LCA5L: variants seen among roughly 807,000 people sequenced by gnomAD.
The protein encoded by LCA5L is lebercilin LCA5 like.
In LCA5L, 35 loss-of-function variants were observed where a neutral mutation model predicts 45.4. The observed-to-expected ratio is 0.77, with a 90% confidence interval of 0.59 to 1.02. The LOEUF (loss-of-function observed/expected upper bound fraction) is 1.02. Ranked by LOEUF, LCA5L falls within the 50% of genes least tolerant of loss-of-function variation. The pLI is 0.00. For synonymous variants in LCA5L, 233 were observed against 264.7 expected (o/e 0.88, Z 1.16); for missense variants, 668 against 761.6 (o/e 0.88, Z 1.45).
chr21:39,416,492 AT>A (rs1408161371), intron 7 of LCA5L, among the ~76,000 whole-genome samples: 1 of 152,048 alleles, frequency 6.6e-6, no homozygotes, highest in Admixed American at 6.6e-5. Flanking sequence ...CAGACCTAGA[AT>A]TTTTTTAGGG....
intron 5 of LCA5L, among the ~76,000 whole-genome samples, chr21:39,424,616 A>C (rs369383816): frequency 6.6e-6 from 1 of 152,252 alleles, no homozygotes; most frequent in East Asian, 1.9e-4. Flanking sequence ...TAATTAGAGT[A>C]TAACATGAGA....
chr21:39,429,905 C>T (rs1175142270), intron 3 of LCA5L, among the ~76,000 whole-genome samples: 5 of 152,052 alleles, frequency 3.3e-5, no homozygotes, highest in Non-Finnish European at 5.9e-5. Flanking sequence ...GTAGTCCCAG[C>T]GACTTGGGAG....
rs759440839 is a variant in LCA5L, at chr21:39,409,957, G to T, written c.1282+22C>A. 10 of 1,266,938 alleles carry T rather than the reference G, an allele frequency of 7.9e-6. No individual in the cohort carries two copies. Among genetic ancestry groups the T allele is most frequent in the Non-Finnish European group, 1.1e-5 (10 of 875,924 alleles). The allele number at this position is 1,266,938 out of a possible 1,614,324, so 78.5% of individuals were successfully genotyped here. A position where few individuals can be genotyped will look rare whatever the true frequency, so the allele number is the denominator to read the frequency against. ...AATTTTAAAGAAATCAGATAAGATAGACTTTAAAGAGTTAAAATTACCTTC... is the reference window on the plus strand; with the variant it reads ...AATTTTAAAGAAATCAGATAAGATATACTTTAAAGAGTTAAAATTACCTTC... On this transcript the variant is annotated intron_variant, in intron 10 of 10. Transcript: ENST00000288350. The surrounding 1 kb of genome is among the most constrained non-coding windows in gnomAD (Gnocchi z 4.2).
chr21:39,442,679 C>T (rs56866897), intron 2 of LCA5L, among the ~76,000 whole-genome samples: 37,555 of 151,892 alleles, frequency 0.25, 5,524 homozygotes, highest in African/African-American at 0.41. Context: ...CTAGGTACAA[C>T]GGAAGAGGTT....
chr21:39,436,818 G>T (rs535697042), intron 2 of LCA5L, among the ~76,000 whole-genome samples: 9 of 152,006 alleles, frequency 5.9e-5, no homozygotes, highest in Admixed American at 3.3e-4. Context: ...CCTGCCTCTT[G>T]GGAAAAAAAA....
At position 39,423,498 on chromosome 21, in the gene LCA5L, A is replaced by T. The variant is rs764769766; in HGVS notation, c.323-8T>A. ...CTGATATTTCCTTCTGGCCTGTGTA[A>T]GCAGAAAATCCAGTTTATTACTAGT... On this transcript the variant is annotated splice_region_variant and splice_polypyrimidine_tract_variant and intron_variant, in intron 5 of 10. Coordinates refer to ENST00000288350, the MANE Select transcript of LCA5L (RefSeq NM_152505.4). 6 of 1,537,738 alleles carry T rather than the reference A, an allele frequency of 3.9e-6. No homozygotes were observed. In the East Asian group the frequency reaches 1.1e-4, roughly 29 times the overall value.
chr21:39,424,786 T>C (rs919306313), intron 5 of LCA5L, among the ~76,000 whole-genome samples: 3 of 152,242 alleles, frequency 2.0e-5, no homozygotes, highest in African/African-American at 7.2e-5. Flanking sequence ...ATGAAGTAAT[T>C]GGCATGTGTC....
chr21:39,432,738 G>A (rs964979691), intron 3 of LCA5L, among the ~76,000 whole-genome samples: 3 of 152,126 alleles, frequency 2.0e-5, no homozygotes, highest in Admixed American at 2.0e-4. Flanking sequence ...GCATTTTATA[G>A]AGTTTTATAT....
chr21:39,414,393 G>A (rs73906033), intron 7 of LCA5L: 31,738 of 152,024 alleles, frequency 0.21, 3,457 homozygotes, highest in Middle Eastern at 0.28. Flanking sequence ...CTGCAGAAGT[G>A]GGCCTAGAAC....
chr21:39,414,732 C>CTGTGTGTGTGTG (rs1464601997), intron 7 of LCA5L, among the ~76,000 whole-genome samples: 3 of 110,390 alleles, frequency 2.7e-5, no homozygotes, highest in African/African-American at 1.2e-4. Flanking sequence ...CTCTCTCTCT[C>CTGTGTGTGTGTG]TCTCTCTCTC....
rs202241420 is a variant in LCA5L, at chr21:39,410,244, A to G, written c.1164+20T>C. On this transcript the variant is annotated intron_variant, in intron 9 of 10. Coordinates refer to ENST00000288350, the MANE Select transcript of LCA5L (RefSeq NM_152505.4). Reference sequence around the variant, plus strand: ...AAGACATGTTTAATCAGACACTGCAAGATTCCAAATTTGCTGTACCTTAGT... The same window carrying G: ...AAGACATGTTTAATCAGACACTGCAGGATTCCAAATTTGCTGTACCTTAGT... 8.1e-5 allele frequency: 120 copies of G among 1,480,792 alleles called. No homozygotes were observed. Among genetic ancestry groups the G allele is most frequent in the Admixed American group, 1.9e-4 (11 of 57,312 alleles). 91.7% of individuals were successfully genotyped at this position (1,480,792 alleles called of 1,614,324 possible).
Position 39,406,149 on chromosome 21 carries a change from G to A in LCA5L, c.1746C>T (p.Ser582=), listed in dbSNP as rs1376329052. The A allele has an allele frequency of 6.2e-6, 10 of 1,614,054 alleles. No homozygotes were observed. Among genetic ancestry groups the A allele is most frequent in the South Asian group, 2.2e-5 (2 of 91,086 alleles). The change falls in exon 11 of 11, where the codon TCC becomes TCT. Residue 582 remains serine, a synonymous_variant. Coordinates refer to ENST00000288350, the MANE Select transcript of LCA5L (RefSeq NM_152505.4). ...AAGTTGTATCCTTCACTTTTATTCT[G>A]GAAGACTTACCAAATGAGGGCTCAT... ...SGYEPSFGKS[S]RIKVKDTTFR...
intron 2 of LCA5L, among the ~76,000 whole-genome samples, chr21:39,440,252 C>A (rs892927878): frequency 6.6e-6 from 1 of 152,008 alleles, no homozygotes; most frequent in African/African-American, 2.4e-5. Context: ...CTGAGGCAGG[C>A]AAAGAGAAGA....
At position 39,407,175 on chromosome 21, in the gene LCA5L, C is replaced by T. The variant is rs187295081; in HGVS notation, c.1283-563G>A. On this transcript the variant is annotated intron_variant, in intron 10 of 10. Coordinates refer to ENST00000288350, the MANE Select transcript of LCA5L (RefSeq NM_152505.4). ...CCAGGAGGACAAGACTGCAGTGAGC[C>T]GTGACTGTGCCACTGCATACCAGCT... Among the ~76,000 whole-genome samples the T allele has an allele frequency of 2.8e-3, 431 of 152,280 alleles. 4 individuals are homozygous for T. The highest frequency in any genetic ancestry group is 9.7e-3 in the African/African-American group (404 of 41,548).
rs547317826 is a variant in LCA5L at position 39,424,433 on chromosome 21, A to G, written c.323-943T>C. 1.2e-4 allele frequency among the ~76,000 whole-genome samples: 18 copies of G among 152,292 alleles called. No individual in the cohort carries two copies. In the South Asian group the frequency reaches 3.1e-3, roughly 26 times the overall value. On this transcript the variant is annotated intron_variant, in intron 5 of 10. Transcript: ENST00000288350. ...GAGTTTGAGGCTGCAGTGAGCTATG[A>G]TTGCACCACTGCATTCCAGCCTGGG...
chr21:39,406,625 A>T lies in LCA5L; in HGVS notation c.1283-13T>A. The T allele has an allele frequency of 6.5e-7, 1 of 1,548,010 alleles. No homozygotes were observed. The highest frequency in any genetic ancestry group is 8.7e-7 in the Non-Finnish European group (1 of 1,150,024). The stretch of plus-strand genomic sequence containing the variant: ...TCCCCTGATAAATCTATATTAGAAA[A>T]ATAGGCAATTTAGTGCTGTTTAAAA... On this transcript the variant is annotated splice_polypyrimidine_tract_variant and intron_variant, in intron 10 of 10. Transcript: ENST00000288350.
At chr21:39,442,882 T>C (rs1317449278) in intron 2 of LCA5L, among the ~76,000 whole-genome samples, 2 of 152,090 alleles carry the variant, frequency 1.3e-5, no homozygotes, top group Non-Finnish European at 2.9e-5. Flanking sequence ...AATCTGTGCC[T>C]TGTGCTAGAT....
intron 6 of LCA5L, 139 bp from the exon 7 acceptor site, chr21:39,420,982 T>C (rs935281325): frequency 2.0e-5 from 11 of 563,986 alleles, no homozygotes; most frequent in African/African-American, 1.1e-4. Flanking sequence ...AGGGGACATA[T>C]ATTGGAATGA....
At chr21:39,422,638 G>C (rs1422810612) in intron 6 of LCA5L, 1 of 390,602 alleles carries the variant, frequency 2.6e-6, no homozygotes, top group Non-Finnish European at 4.5e-6. Context: ...GAGGTTTCAC[G>C]TAACACAATG....
Sources: gnomAD v4.1 joint callset for allele counts (sites outside exome capture counted in the v4.1 genomes callset) on GRCh38, gnomAD v4.1.1 for gene constraint, Gnocchi (gnomAD v3.1) non-coding constraint, MANE v1.5 for transcripts, NCBI Gene and HGNC (gene_info 2026-07-23, HGNC 2026-07-21) for gene names.